Variants in WWOX observed in about 807,000 individuals in gnomAD.
WWOX encodes the protein WW domain containing oxidoreductase.
In WWOX, 69 loss-of-function variants were observed where a neutral mutation model predicts 46.2. The observed-to-expected ratio is 1.49, with a 90% CI of 1.23 to 1.82. The LOEUF is 1.82. Ranked by LOEUF, WWOX falls within the 40% of genes most tolerant of loss-of-function variation. The pLI is 0.00. For synonymous variants in WWOX, 359 were observed against 202.6 expected, an observed-to-expected ratio of 1.77 and a Z score of -6.56; for missense variants, 919 against 542.6, an observed-to-expected ratio of 1.69 and a Z score of -6.89.
At chr16:78,686,754 C>T (rs1321354019) in intron 8 of WWOX, among the ~76,000 whole-genome samples, 1 of 152,188 alleles carries the variant, frequency 6.6e-6, no homozygotes, top group Admixed American at 6.5e-5. Context: ...CCACCCTGCA[C>T]TCCATATGCC....
At chr16:78,532,880 C>T (rs961249774) in intron 8 of WWOX, among the ~76,000 whole-genome samples, 8 of 152,156 alleles carry the variant, frequency 5.3e-5, no homozygotes, top group African/African-American at 1.7e-4. Context: ...GGGTACACAG[C>T]CAAACCATAT....
At chr16:78,941,339 A>G (rs2045847482) in intron 8 of WWOX, among the ~76,000 whole-genome samples, 1 of 151,964 alleles carries the variant, frequency 6.6e-6, no homozygotes, top group East Asian at 1.9e-4. Flanking sequence ...TTATTTCTTC[A>G]TTTTGTTTAT....
Position 78,116,023 on chromosome 16 carries a change from G to T in WWOX, c.409+869G>T, listed in dbSNP as rs192190205. 3.5e-3 allele frequency among the ~76,000 whole-genome samples: 530 copies of T among 151,958 alleles called. 3 individuals are homozygous for T. Among genetic ancestry groups the T allele is most frequent in the South Asian group, 0.033 (159 of 4,798 alleles). ...TTGTTTTTATTTTTATTTTTTGTGG[G>T]TATATAAAGGTGTCTATATTTATGG... On this transcript the variant is annotated intron_variant, in intron 4 of 8. Transcript: ENST00000566780.
intron 8 of WWOX, among the ~76,000 whole-genome samples, chr16:78,687,470 C>G (rs905756927): frequency 2.0e-5 from 3 of 152,188 alleles, no homozygotes; most frequent in Non-Finnish European, 2.9e-5. Flanking sequence ...CATTTGGAGA[C>G]AGACACCATT....
chr16:79,045,717 A>C lies in WWOX; in HGVS notation c.1057-165891A>C, dbSNP rs188888248. ...CACAGTGTGTGTGTGTGCACTTACT[A>C]ACTGTGCAACTGTGGGCAAGTGATG... is the stretch of plus-strand genomic sequence containing the variant. On this transcript the variant is annotated intron_variant, in intron 8 of 8. Coordinates refer to ENST00000566780, the MANE Select transcript of WWOX (RefSeq NM_016373.4). 9.2e-4 allele frequency among the ~76,000 whole-genome samples: 137 copies of C among 149,090 alleles called. 1 individual carries two copies. The highest frequency in any genetic ancestry group is 8.5e-3 in the Admixed American group (127 of 14,946).
chr16:79,155,770 G>T (rs940187042), intron 8 of WWOX, among the ~76,000 whole-genome samples: 1 of 152,102 alleles, frequency 6.6e-6, no homozygotes. Context: ...GAATAGAAAG[G>T]ATTATGCAAA....
At chr16:79,178,728 C>T (rs781399719) in intron 8 of WWOX, among the ~76,000 whole-genome samples, 1 of 152,182 alleles carries the variant, frequency 6.6e-6, no homozygotes, top group African/African-American at 2.4e-5. Context: ...CTACCTAATG[C>T]TCTTCCTGGA....
intron 8 of WWOX, among the ~76,000 whole-genome samples, chr16:79,027,547 G>A (rs2047670938): frequency 1.3e-5 from 2 of 151,688 alleles, no homozygotes. Flanking sequence ...GTTCTGGAGA[G>A]CCTTTGATTA....
At chr16:78,555,252 C>T (rs1290339829) in intron 8 of WWOX, among the ~76,000 whole-genome samples, 1 of 151,358 alleles carries the variant, frequency 6.6e-6, no homozygotes, top group Non-Finnish European at 1.5e-5. Flanking sequence ...AATGTATTCT[C>T]CTATACTGTC....
At chr16:78,544,277 C>T (rs1367017905) in intron 8 of WWOX, among the ~76,000 whole-genome samples, 1 of 152,190 alleles carries the variant, frequency 6.6e-6, no homozygotes, top group Non-Finnish European at 1.5e-5. Context: ...CAAGCGCTAA[C>T]ATTATATTAA....
intron 8 of WWOX, among the ~76,000 whole-genome samples, chr16:79,079,256 G>GGGTATTTAATCACCTTA (rs2150578434): frequency 6.6e-6 from 1 of 152,288 alleles, no homozygotes; most frequent in South Asian, 2.1e-4. Flanking sequence ...ATAAGACAGT[G>GGGTATTTAATCACCTTA]GGTATTTAAT....
intron 5 of WWOX, among the ~76,000 whole-genome samples, chr16:78,308,385 C>A (rs557315538): frequency 1.3e-4 from 20 of 152,238 alleles, no homozygotes; most frequent in African/African-American, 4.1e-4. Context: ...ACTCATTATA[C>A]CCTTCTTTTT....
intron 8 of WWOX, among the ~76,000 whole-genome samples, chr16:78,874,455 G>C (rs1428119717): frequency 6.6e-6 from 1 of 151,954 alleles, no homozygotes; most frequent in African/African-American, 2.4e-5. Context: ...ACCTCCAACT[G>C]GGTCGATTTC....
intron 4 of WWOX, among the ~76,000 whole-genome samples, chr16:78,140,235 T>G (rs1224713460): frequency 6.6e-6 from 1 of 152,188 alleles, no homozygotes; most frequent in Non-Finnish European, 1.5e-5. Flanking sequence ...GTCCACCCCC[T>G]GCACCATGCT....
rs2044476689 is a variant in WWOX, at chr16:78,887,080, GTGTGTGTGTGTGTGTGTGT to G, written c.1057-324527_1057-324509del. Among the ~76,000 whole-genome samples, 31 of 122,556 alleles carry G rather than the reference GTGTGTGTGTGTGTGTGTGT, an allele frequency of 2.5e-4. No homozygotes were observed. In the East Asian group the frequency reaches 2.9e-3, roughly 12 times the overall value. 80.4% of individuals were successfully genotyped at this position (122,556 alleles called of 152,430 possible). Reference sequence around the variant, plus strand: ...CTGGCTATATGTGTGTGTGTGTGGTGTGTGTGTGTGTGTGTGTGTGTGTGTGTGTGTGTGTGTGTGTGTG... The same window carrying G: ...CTGGCTATATGTGTGTGTGTGTGGTGGTGTGTGTGTGTGTGTGTGTGTGTG... On this transcript the variant is annotated intron_variant, in intron 8 of 8. Coordinates refer to ENST00000566780, the MANE Select transcript of WWOX (RefSeq NM_016373.4).
chr16:78,604,391 A>G (rs2045694823), intron 8 of WWOX, among the ~76,000 whole-genome samples: 1 of 152,046 alleles, frequency 6.6e-6, no homozygotes, highest in South Asian at 2.1e-4. Flanking sequence ...TTATTCAGCA[A>G]ATATTCATGG....
intron 8 of WWOX, among the ~76,000 whole-genome samples, chr16:79,032,902 G>C (rs1032824479): frequency 4.0e-5 from 6 of 151,244 alleles, no homozygotes; most frequent in African/African-American, 1.5e-4. Flanking sequence ...TATTTTTCCT[G>C]CTCTTCTCCC....
Position 79,212,204 on chromosome 16 carries a change from G to C in WWOX, c.*408G>C. The C allele has an allele frequency of 6.9e-7, 1 of 1,450,800 alleles. No individual in the cohort carries two copies. The highest frequency in any genetic ancestry group is 1.4e-5 in the African/African-American group (1 of 70,040). 89.9% of individuals were successfully genotyped at this position (1,450,800 alleles called of 1,614,324 possible). A position where few individuals can be genotyped will look rare whatever the true frequency, so the allele number is the denominator to read the frequency against. On this transcript the variant is annotated 3_prime_UTR_variant, in exon 9 of 9. Coordinates refer to ENST00000566780, the MANE Select transcript of WWOX (RefSeq NM_016373.4). ...CCGGGGGCTGGCCTTCTCCTACTTA[G>C]GGAAGAAAAAGCAAGTGTTCACTGC... is the stretch of plus-strand genomic sequence containing the variant.
At chr16:78,576,833 A>G (rs2044893072) in intron 8 of WWOX, among the ~76,000 whole-genome samples, 1 of 152,232 alleles carries the variant, frequency 6.6e-6, no homozygotes, top group African/African-American at 2.4e-5. Context: ...CCTGTCCCTT[A>G]AAATAAATGC....
Sources: allele counts gnomAD v4.1 joint callset (sites outside exome capture counted in the v4.1 genomes callset), GRCh38; gene constraint gnomAD v4.1.1; transcripts MANE v1.5; gene names NCBI Gene and HGNC (gene_info 2026-07-23, HGNC 2026-07-21).